The following COLEC10 variants were observed in gnomAD, a reference collection of about 807,000 sequenced individuals.
The protein encoded by COLEC10 is collectin-10.
Under a neutral mutation model 28.4 loss-of-function variants are expected in COLEC10, and 22 were observed. The observed-to-expected ratio is 0.78, with a 90% confidence interval of 0.55 to 1.11. COLEC10 has a LOEUF of 1.11. COLEC10 is among the 50% of genes least tolerant of loss of function. The pLI, the probability that COLEC10 is intolerant of heterozygous loss-of-function variation, is 0.00. For missense variants in COLEC10, 361 were observed against 344.1 expected, an observed-to-expected ratio of 1.05 and a Z score of -0.39; for synonymous variants, 125 against 116.1, an observed-to-expected ratio of 1.08 and a Z score of -0.49.
At chr8:118,988,465 A>T in the COLEC10 span, among the ~76,000 whole-genome samples, 11 of 152,094 alleles carry the variant, frequency 7.2e-5, no homozygotes, top group Non-Finnish European at 1.3e-4. Context: ...TTCACCTAAG[A>T]GGGGAAAGAC....
At chr8:118,964,687 T>A in the COLEC10 span, among the ~76,000 whole-genome samples, 7 of 152,210 alleles carry the variant, frequency 4.6e-5, no homozygotes, top group African/African-American at 7.2e-5. Context: ...TTCAATATAA[T>A]GTAGCATAGA....
At chr8:119,105,674 A>C (rs1815922534) in intron 5 of COLEC10, 126 bp from the exon 6 acceptor site, 1 of 896,428 alleles carries the variant, frequency 1.1e-6, no homozygotes, top group African/African-American at 1.7e-5. Flanking sequence ...ACTACCTCAT[A>C]ATAGGGCTTT....
At chr8:119,043,451 C>T (rs1168925010) in intron 2 of COLEC10, among the ~76,000 whole-genome samples, 2 of 152,162 alleles carry the variant, frequency 1.3e-5, no homozygotes, top group African/African-American at 4.8e-5. Flanking sequence ...ATGAGAGACC[C>T]TGTTAAAACA....
At chr8:119,039,481 A>G (rs571041711) in intron 2 of COLEC10, among the ~76,000 whole-genome samples, 1 of 152,218 alleles carries the variant, frequency 6.6e-6, no homozygotes, top group Non-Finnish European at 1.5e-5. Context: ...AGTGTTGGGC[A>G]TAGTGCGTGG....
chr8:118,980,832 T>C, the COLEC10 span, among the ~76,000 whole-genome samples: 1 of 152,134 alleles, frequency 6.6e-6, no homozygotes, highest in African/African-American at 2.4e-5. Context: ...CTTCCCATTA[T>C]GTAAATTGTA....
chr8:119,022,450 C>T (rs1331052533), intron 2 of COLEC10, among the ~76,000 whole-genome samples: 1 of 152,068 alleles, frequency 6.6e-6, no homozygotes, highest in Non-Finnish European at 1.5e-5. Flanking sequence ...CGATACTAAG[C>T]AGGAGAAACT....
chr8:118,968,616 T>C, the COLEC10 span, among the ~76,000 whole-genome samples: 1 of 151,904 alleles, frequency 6.6e-6, no homozygotes, highest in Admixed American at 6.6e-5. Flanking sequence ...TGTATGTATA[T>C]GTATATGTAT....
chr8:119,007,126 A>C (rs1813818018), intron 1 of COLEC10, among the ~76,000 whole-genome samples: 1 of 152,108 alleles, frequency 6.6e-6, no homozygotes. Context: ...CTTGGAAAAC[A>C]GTTCCCTAGG....
At chr8:118,969,571 G>A in the COLEC10 span, among the ~76,000 whole-genome samples, 7,762 of 151,992 alleles carry the variant, frequency 0.051, 309 homozygotes, top group East Asian at 0.17. Flanking sequence ...ATCTGGAATG[G>A]AGAGTCCCCC....
intron 1 of COLEC10, among the ~76,000 whole-genome samples, chr8:119,074,696 C>T (rs1241383618): frequency 6.6e-6 from 1 of 152,222 alleles, no homozygotes; most frequent in Non-Finnish European, 1.5e-5. Flanking sequence ...CAGTCTTACT[C>T]CAAAGTCAAC....
the COLEC10 span, among the ~76,000 whole-genome samples, chr8:118,970,179 G>T: frequency 6.6e-6 from 1 of 151,960 alleles, no homozygotes; most frequent in Non-Finnish European, 1.5e-5. Flanking sequence ...GCTAAGGAAG[G>T]GGTGATGGCA....
intron 2 of COLEC10, among the ~76,000 whole-genome samples, chr8:119,057,166 C>A (rs140324023): frequency 6.6e-6 from 1 of 151,936 alleles, no homozygotes; most frequent in South Asian, 2.1e-4. Context: ...CTGTTCTCAT[C>A]ATAGTGAGTG....
At chr8:118,971,733 A>G in the COLEC10 span, among the ~76,000 whole-genome samples, 2 of 152,004 alleles carry the variant, frequency 1.3e-5, no homozygotes, top group Non-Finnish European at 2.9e-5. Context: ...TTAATACACA[A>G]CCTCATAAAG....
intron 2 of COLEC10, among the ~76,000 whole-genome samples, chr8:119,032,833 C>A (rs1389106905): frequency 6.6e-6 from 1 of 152,132 alleles, no homozygotes; most frequent in Non-Finnish European, 1.5e-5. Flanking sequence ...ACCTGGGAGG[C>A]GGAGCTTGCA....
At chr8:119,024,713 A>G (rs1814157809) in intron 2 of COLEC10, among the ~76,000 whole-genome samples, 1 of 152,112 alleles carries the variant, frequency 6.6e-6, no homozygotes, top group African/African-American at 2.4e-5. Flanking sequence ...ACCCAAGAGG[A>G]AGTGCCATAT....
At chr8:119,016,396 T>C (rs1050270027) in intron 2 of COLEC10, among the ~76,000 whole-genome samples, 24 of 152,208 alleles carry the variant, frequency 1.6e-4, no homozygotes, top group African/African-American at 5.5e-4. Context: ...ATGGTATGTA[T>C]GTGCCACATT....
At chr8:119,074,112 G>A (rs538107355) in intron 1 of COLEC10, among the ~76,000 whole-genome samples, 1 of 152,076 alleles carries the variant, frequency 6.6e-6, no homozygotes, top group Admixed American at 6.6e-5. Flanking sequence ...TGAACTCATG[G>A]AGATAGAGAA....
chr8:118,989,554 C>T, the COLEC10 span, among the ~76,000 whole-genome samples: 1 of 149,316 alleles, frequency 6.7e-6, no homozygotes, highest in African/African-American at 2.5e-5. Context: ...CACACACACA[C>T]ACACACACAC....
chr8:119,053,516 A>G (rs1814711102), intron 2 of COLEC10, among the ~76,000 whole-genome samples: 1 of 152,116 alleles, frequency 6.6e-6, no homozygotes. Flanking sequence ...TTAGTGAGCA[A>G]TAGTTCTTAG....
Sources: gnomAD v4.1 joint callset for allele counts (sites outside exome capture counted in the v4.1 genomes callset) on GRCh38, gnomAD v4.1.1 for gene constraint, MANE v1.5 for transcripts, NCBI Gene and HGNC (gene_info 2026-07-23, HGNC 2026-07-21) for gene names.